The following NOL4 variants were observed in gnomAD, a reference collection of about 807,000 sequenced individuals.
NOL4 encodes the protein nucleolar protein 4.
Under a neutral mutation model 75.9 loss-of-function variants are expected in NOL4, and 17 were observed. The observed-to-expected ratio is 0.22, with a 90% CI of 0.15 to 0.34. The LOEUF (loss-of-function observed/expected upper bound fraction) is 0.34, where lower values mean the gene tolerates loss of function less well. NOL4 is among the 10% of genes least tolerant of loss of function. NOL4 has a pLI of 1.00. For missense variants in NOL4, 614 were observed against 793.5 expected, an observed-to-expected ratio of 0.77 and a Z score of 2.72; for synonymous variants, 292 against 289.9, an observed-to-expected ratio of 1.01 and a Z score of -0.07.
chr18:34,073,222 C>T (rs1026501705), intron 5 of NOL4, among the ~76,000 whole-genome samples: 1 of 151,960 alleles, frequency 6.6e-6, no homozygotes, highest in Non-Finnish European at 1.5e-5. Flanking sequence ...TTACCAATAT[C>T]AGGAATGAAA....
intron 9 of NOL4, among the ~76,000 whole-genome samples, chr18:33,884,489 A>C (rs1343301046): frequency 6.6e-6 from 1 of 152,138 alleles, no homozygotes; most frequent in Non-Finnish European, 1.5e-5. Context: ...TAAAACGTTT[A>C]AATTGCAATA....
intron 1 of NOL4, chr18:34,221,092 T>G (rs575953358): frequency 6.6e-6 from 1 of 152,216 alleles, no homozygotes; most frequent in Non-Finnish European, 1.5e-5. Context: ...TGTTAACACA[T>G]ATAGTGGGTG....
intron 10 of NOL4, among the ~76,000 whole-genome samples, chr18:33,857,468 C>T (rs889989511): frequency 6.6e-6 from 1 of 151,920 alleles, no homozygotes; most frequent in Non-Finnish European, 1.5e-5. Context: ...AATTTCAGAT[C>T]GAATTCAACA....
chr18:33,888,541 T>C (rs930856865), intron 9 of NOL4, among the ~76,000 whole-genome samples: 1 of 152,206 alleles, frequency 6.6e-6, no homozygotes, highest in African/African-American at 2.4e-5. Context: ...CTAGGGTTTT[T>C]ACAGTGTTAG....
intron 1 of NOL4, among the ~76,000 whole-genome samples, chr18:34,153,706 C>T (rs2029867045): frequency 6.6e-6 from 1 of 151,910 alleles, no homozygotes; most frequent in Non-Finnish European, 1.5e-5. Flanking sequence ...TTATAACAAA[C>T]TGTGTTAAGA....
intron 1 of NOL4, among the ~76,000 whole-genome samples, chr18:34,212,287 T>C (rs934356800): frequency 6.6e-6 from 1 of 152,346 alleles, no homozygotes; most frequent in South Asian, 2.1e-4. Context: ...AGAGCTTACA[T>C]CTTTTACTAA....
Position 34,150,834 on chromosome 18 carries a change from C to T in NOL4, c.265-20814G>A, listed in dbSNP as rs1430447474. 2.6e-5 allele frequency among the ~76,000 whole-genome samples: 4 copies of T among 151,682 alleles called. No homozygotes were observed. The Admixed American group carries it at 2.6e-4, about 10-fold the overall frequency. ...CAACAGACTGGAAGAAGACAAGCCA[C>T]AGACTGGAAGAAAATCTGATAAAGG... On this transcript the variant is annotated intron_variant, in intron 1 of 10. Transcript: ENST00000261592.
intron 10 of NOL4, among the ~76,000 whole-genome samples, chr18:33,880,303 G>GTC (rs1382365221): frequency 8.2e-6 from 1 of 121,378 alleles, no homozygotes; most frequent in African/African-American, 3.4e-5. Context: ...TGCAAAAGGG[G>GTC]TCTGTGTGTG....
At chr18:34,154,380 A>G (rs2146111697) in intron 1 of NOL4, among the ~76,000 whole-genome samples, 1 of 152,050 alleles carries the variant, frequency 6.6e-6, no homozygotes, top group South Asian at 2.1e-4. Context: ...GCTCCCTTTG[A>G]CTGTTTTTTA....
At chr18:33,981,108 A>G (rs915136421) in intron 6 of NOL4, among the ~76,000 whole-genome samples, 2 of 152,068 alleles carry the variant, frequency 1.3e-5, no homozygotes, top group African/African-American at 4.8e-5. Flanking sequence ...ATGGCTGTGG[A>G]AAGAATCTCT....
At chr18:34,129,371 C>T (rs2145899219) in intron 2 of NOL4, among the ~76,000 whole-genome samples, 1 of 151,676 alleles carries the variant, frequency 6.6e-6, no homozygotes, top group South Asian at 2.1e-4. Context: ...AATACATACC[C>T]TTCAGGATAA....
chr18:33,969,243 T>C (rs1352378017), intron 6 of NOL4, among the ~76,000 whole-genome samples: 1 of 152,214 alleles, frequency 6.6e-6, no homozygotes, highest in African/African-American at 2.4e-5. Context: ...TTCATTCCTC[T>C]TCATTAATTC....
chr18:33,948,503 G>A (rs1284472899), intron 8 of NOL4, among the ~76,000 whole-genome samples: 1 of 151,916 alleles, frequency 6.6e-6, no homozygotes, highest in African/African-American at 2.4e-5. Context: ...GAGATAGTCT[G>A]CAACTAAGTC....
intron 5 of NOL4, among the ~76,000 whole-genome samples, chr18:34,055,472 T>C (rs187153259): frequency 6.6e-6 from 1 of 152,296 alleles, no homozygotes; most frequent in East Asian, 1.9e-4. Context: ...AGAAATTATC[T>C]GATAATCTTA....
chr18:33,910,141 G>A (rs762400655), intron 9 of NOL4, among the ~76,000 whole-genome samples: 16 of 152,264 alleles, frequency 1.1e-4, no homozygotes, highest in Admixed American at 2.0e-4. Flanking sequence ...ATTGTGCCAC[G>A]TAGTATTCAC....
intron 1 of NOL4, among the ~76,000 whole-genome samples, chr18:34,183,358 T>C (rs926575609): frequency 6.6e-6 from 1 of 151,826 alleles, no homozygotes; most frequent in African/African-American, 2.4e-5. Flanking sequence ...TATACACTAT[T>C]ATAATGGAGG....
intron 9 of NOL4, among the ~76,000 whole-genome samples, chr18:33,924,539 T>C (rs1258686724): frequency 6.6e-6 from 1 of 152,136 alleles, no homozygotes. Flanking sequence ...AAGTAAACTT[T>C]TTGTGATGCT....
At chr18:34,156,044 C>G (rs2030329311) in intron 1 of NOL4, among the ~76,000 whole-genome samples, 1 of 152,148 alleles carries the variant, frequency 6.6e-6, no homozygotes. Context: ...GCCTGTTTGT[C>G]AGAATATTTC....
chr18:33,883,540 A>C, intron 9 of NOL4, 116 bp from the exon 10 acceptor site: 2 of 670,792 alleles, frequency 3.0e-6, no homozygotes, highest in Non-Finnish European at 4.4e-6. Flanking sequence ...ATATATAGTG[A>C]ATGTTAAGTA....
Sources: gnomAD v4.1 joint callset for allele counts (sites outside exome capture counted in the v4.1 genomes callset) on GRCh38, gnomAD v4.1.1 for gene constraint, MANE v1.5 for transcripts, NCBI Gene and HGNC (gene_info 2026-07-23, HGNC 2026-07-21) for gene names.